The following TMCC1 variants were observed in gnomAD, a reference collection of about 807,000 sequenced individuals.
TMCC1 encodes transmembrane and coiled-coil domains protein 1.
Under a neutral mutation model 52.4 loss-of-function variants are expected in TMCC1, and 15 were observed. That is an observed-to-expected ratio of 0.29 (90% CI 0.19 to 0.44). The LOEUF is 0.44. TMCC1 is among the 20% of genes least tolerant of loss of function. The pLI is 1.00. For synonymous variants in TMCC1, 279 were observed against 301.9 expected (o/e 0.92, Z 0.79); for missense variants, 503 against 806.0 (o/e 0.62, Z 4.55).
intron 4 of TMCC1, among the ~76,000 whole-genome samples, chr3:129,745,509 T>C (rs2051860572): frequency 6.6e-6 from 1 of 152,242 alleles, no homozygotes; most frequent in Admixed American, 6.5e-5. Context: ...ATGTTTATAG[T>C]TGTGATTGCA....
intron 4 of TMCC1, 67 bp downstream of exon 4, chr3:129,827,736 A>G: frequency 6.6e-7 from 1 of 1,516,574 alleles, no homozygotes; most frequent in Non-Finnish European, 8.9e-7. Context: ...TTACCAAAGG[A>G]AAGTCTGGAG....
At chr3:129,770,519 A>T (rs186793429) in intron 4 of TMCC1, among the ~76,000 whole-genome samples, 29 of 152,260 alleles carry the variant, frequency 1.9e-4, no homozygotes, top group Non-Finnish European at 3.4e-4. Context: ...CGGAGGCTGC[A>T]GTGAGCTGTG....
At chr3:129,859,861 G>T (rs1051307951) in intron 2 of TMCC1, among the ~76,000 whole-genome samples, 5 of 151,928 alleles carry the variant, frequency 3.3e-5, no homozygotes, top group African/African-American at 1.2e-4. Context: ...ATAAATATAT[G>T]TTTAAACTTA....
intron 2 of TMCC1, among the ~76,000 whole-genome samples, chr3:129,866,384 T>A (rs1349893061): frequency 1.5e-5 from 2 of 137,570 alleles, no homozygotes; most frequent in African/African-American, 5.9e-5. Context: ...ATATGTTTTT[T>A]TTTTTTTTTT....
chr3:129,810,222 G>C (rs1276186011), intron 4 of TMCC1, among the ~76,000 whole-genome samples: 1 of 152,144 alleles, frequency 6.6e-6, no homozygotes, highest in African/African-American at 2.4e-5. Flanking sequence ...GCTGGGCATG[G>C]TGGCGGGCAC....
At chr3:129,893,185 G>A (rs996871927) in intron 1 of TMCC1, 2 of 152,146 alleles carry the variant, frequency 1.3e-5, no homozygotes, top group East Asian at 3.9e-4. Context: ...CCCTCACCTC[G>A]GCCCTGGGAT....
At chr3:129,785,264 A>G (rs2055909122) in intron 4 of TMCC1, among the ~76,000 whole-genome samples, 1 of 152,146 alleles carries the variant, frequency 6.6e-6, no homozygotes, top group African/African-American at 2.4e-5. Flanking sequence ...AAACAGTAAT[A>G]AACAAAGTGA....
intron 4 of TMCC1, among the ~76,000 whole-genome samples, chr3:129,753,469 T>C (rs2052711797): frequency 6.6e-6 from 1 of 152,212 alleles, no homozygotes; most frequent in Admixed American, 6.5e-5. Flanking sequence ...AAATCAAATT[T>C]AGCAATATAT....
At chr3:129,666,702 T>C (rs2087484454) in intron 5 of TMCC1, among the ~76,000 whole-genome samples, 1 of 151,656 alleles carries the variant, frequency 6.6e-6, no homozygotes, top group South Asian at 2.1e-4. Context: ...ATCGCACCAC[T>C]GCACTCCAGC....
At chr3:129,816,867 T>C (rs1430201314) in intron 4 of TMCC1, among the ~76,000 whole-genome samples, 2 of 150,550 alleles carry the variant, frequency 1.3e-5, no homozygotes, top group East Asian at 2.0e-4. Context: ...CTAGAAAAAA[T>C]AAAAATAAAA....
chr3:129,698,259 T>C (rs566028912), intron 4 of TMCC1, among the ~76,000 whole-genome samples: 23 of 152,298 alleles, frequency 1.5e-4, no homozygotes, highest in Non-Finnish European at 2.9e-4. Flanking sequence ...CACGTCTTAC[T>C]TGGCGGCAGG....
At chr3:129,796,638 A>G (rs1576883302) in intron 4 of TMCC1, among the ~76,000 whole-genome samples, 1 of 152,094 alleles carries the variant, frequency 6.6e-6, no homozygotes, top group Non-Finnish European at 1.5e-5. Context: ...TAGGCAACAA[A>G]GCTAGACCCT....
chr3:129,810,096 C>T (rs2057718552), intron 4 of TMCC1, among the ~76,000 whole-genome samples: 1 of 152,210 alleles, frequency 6.6e-6, no homozygotes, highest in Non-Finnish European at 1.5e-5. Context: ...GTAGCTCACA[C>T]CTGTAATCCC....
intron 5 of TMCC1, among the ~76,000 whole-genome samples, chr3:129,659,114 TA>T (rs1294655099): frequency 6.9e-6 from 1 of 145,376 alleles, no homozygotes; most frequent in African/African-American, 2.5e-5. Flanking sequence ...TTTTTTTTTT[TA>T]AAGAGATGGG....
chr3:129,696,290 A>T (rs2047413308), intron 4 of TMCC1, among the ~76,000 whole-genome samples: 2 of 152,190 alleles, frequency 1.3e-5, no homozygotes, highest in South Asian at 4.1e-4. Flanking sequence ...GACAAACTCA[A>T]CCAATTGTAA....
intron 4 of TMCC1, among the ~76,000 whole-genome samples, chr3:129,758,649 A>G (rs1201927768): frequency 1.3e-5 from 2 of 152,212 alleles, no homozygotes; most frequent in African/African-American, 4.8e-5. Flanking sequence ...TCCCAAATGA[A>G]CAGATTTGTA....
chr3:129,875,375 C>T (rs1432087058), intron 2 of TMCC1, among the ~76,000 whole-genome samples: 1 of 151,304 alleles, frequency 6.6e-6, no homozygotes, highest in Non-Finnish European at 1.5e-5. Context: ...GCCTGTAATC[C>T]CAGCTACTTG....
chr3:129,760,213 G>GT (rs1224856951), intron 4 of TMCC1, among the ~76,000 whole-genome samples: 3 of 151,614 alleles, frequency 2.0e-5, no homozygotes, highest in Admixed American at 6.6e-5. Flanking sequence ...TTAATTCTTT[G>GT]TTTTTTCTTT....
At chr3:129,752,507 A>C (rs1047003784) in intron 4 of TMCC1, among the ~76,000 whole-genome samples, 1 of 152,166 alleles carries the variant, frequency 6.6e-6, no homozygotes, top group Admixed American at 6.6e-5. Context: ...GGTATATTAA[A>C]TAATCTAATT....
Sources: allele counts gnomAD v4.1 joint callset (sites outside exome capture counted in the v4.1 genomes callset), GRCh38; gene constraint gnomAD v4.1.1; transcripts MANE v1.5; gene names NCBI Gene and HGNC (gene_info 2026-07-23, HGNC 2026-07-21).